Variants in DHDDS observed in about 807,000 individuals in gnomAD.
The protein encoded by DHDDS is dehydrodolichyl diphosphate synthase complex subunit DHDDS.
A neutral mutation model predicts 46.2 loss-of-function variants in DHDDS; 16 were observed. The observed-to-expected ratio is 0.35, with a 90% confidence interval of 0.23 to 0.53. The LOEUF (loss-of-function observed/expected upper bound fraction) is 0.53. Ranked by LOEUF, DHDDS falls within the 20% of genes least tolerant of loss-of-function variation. DHDDS has a pLI of 0.94. For missense variants in DHDDS, 340 were observed against 423.7 expected, an observed-to-expected ratio of 0.80 and a Z score of 1.73; for synonymous variants, 151 against 163.1, an observed-to-expected ratio of 0.93 and a Z score of 0.56.
chr1:26,432,924 A>G lies in DHDDS; in HGVS notation c.-22A>G. On this transcript the variant is annotated 5_prime_UTR_variant, in exon 2 of 9. An upstream open reading frame in the 5' UTR loses its in-frame stop. Transcript: ENST00000236342. The stretch of plus-strand genomic sequence containing the variant: ...GCTGGTGTTTGCTTGTTCTGGAGTG[A>G]TCTTCTGACTGGAAAAGAACTATGT... 5.6e-6 allele frequency: 9 copies of G among 1,613,886 alleles called. No homozygotes were observed. Among genetic ancestry groups the G allele is most frequent in the Non-Finnish European group, 7.6e-6 (9 of 1,179,820 alleles).
chr1:26,457,226 A>T (rs1468074951), intron 6 of DHDDS, among the ~76,000 whole-genome samples: 1 of 139,430 alleles, frequency 7.2e-6, no homozygotes, highest in East Asian at 2.1e-4. Flanking sequence ...TCAGAGGCCG[A>T]GGGGGGGGCG....
At chr1:26,433,802 C>T (rs1408435781) in intron 2 of DHDDS, among the ~76,000 whole-genome samples, 1 of 152,066 alleles carries the variant, frequency 6.6e-6, no homozygotes, top group African/African-American at 2.4e-5. Flanking sequence ...ATGGCGCAAT[C>T]TTGGCTTACT....
chr1:26,437,620 C>A (rs2075173315), intron 2 of DHDDS, among the ~76,000 whole-genome samples: 1 of 151,914 alleles, frequency 6.6e-6, no homozygotes, highest in Non-Finnish European at 1.5e-5. Flanking sequence ...GGACTACAGG[C>A]ATGTGCCATC....
At chr1:26,457,927 T>C (rs201396389) in intron 7 of DHDDS, 22 bp downstream of exon 7, 6 of 1,595,436 alleles carry the variant, frequency 3.8e-6, no homozygotes, top group Non-Finnish European at 5.2e-6. Flanking sequence ...CCAAGTACTA[T>C]TATGTTTGTG....
chr1:26,442,578 C>T (rs1436536799), intron 3 of DHDDS, 153 bp from the exon 4 acceptor site: 2 of 879,338 alleles, frequency 2.3e-6, no homozygotes, highest in Admixed American at 1.9e-5. Context: ...TTAATTCTGA[C>T]ATAAACACTG....
chr1:26,447,087 A>G (rs1487719535), intron 5 of DHDDS, among the ~76,000 whole-genome samples: 1 of 152,210 alleles, frequency 6.6e-6, no homozygotes, highest in Non-Finnish European at 1.5e-5. Context: ...CTGTCATCCT[A>G]GGCAGGTGGA....
intron 3 of DHDDS, 128 bp from the exon 4 acceptor site, chr1:26,442,603 T>A: frequency 1.8e-6 from 2 of 1,094,636 alleles, no homozygotes; most frequent in Non-Finnish European, 2.8e-6. Flanking sequence ...TATCCTAGCT[T>A]CACCCAGCTT....
At chr1:26,460,655 G>A (rs1246569390) in intron 8 of DHDDS, among the ~76,000 whole-genome samples, 11 of 152,192 alleles carry the variant, frequency 7.2e-5, no homozygotes, top group Non-Finnish European at 1.5e-5. Flanking sequence ...TCTTGAAACA[G>A]GTTTTATTAG....
chr1:26,447,742 A>G, intron 6 of DHDDS, 82 bp downstream of exon 6: 1 of 1,298,116 alleles, frequency 7.7e-7, no homozygotes. Context: ...TAATCCTAGC[A>G]CATTAGGAGG....
intron 7 of DHDDS, among the ~76,000 whole-genome samples, chr1:26,458,458 C>T (rs898731322): frequency 1.3e-4 from 20 of 152,202 alleles, no homozygotes; most frequent in Non-Finnish European, 2.9e-4. Flanking sequence ...TGAGCTAACG[C>T]AGGGCGTGGT....
chr1:26,446,846 C>T (rs1312758908), intron 5 of DHDDS, among the ~76,000 whole-genome samples: 1 of 152,170 alleles, frequency 6.6e-6, no homozygotes, highest in Non-Finnish European at 1.5e-5. Flanking sequence ...GGAGGTCATA[C>T]AGATGTACAG....
intron 6 of DHDDS, chr1:26,448,596 T>G (rs1429030151): frequency 2.0e-5 from 3 of 152,236 alleles, no homozygotes; most frequent in Non-Finnish European, 4.4e-5. Flanking sequence ...ATTATTTATG[T>G]AACTTTTAAT....
chr1:26,432,973 T>C lies in DHDDS; in HGVS notation c.28T>C (p.Ser10Pro). The C allele has an allele frequency of 6.2e-7, 1 of 1,614,222 alleles. No individual in the cohort carries two copies. Among genetic ancestry groups the C allele is most frequent in the Non-Finnish European group, 8.5e-7 (1 of 1,180,038 alleles). The change falls in exon 2 of 9, where the codon TCA becomes CCA. Residue 10 changes from serine to proline, a missense_variant. Physicochemically the swap from Ser to Pro is moderately conservative, Grantham distance 74. Coordinates refer to ENST00000236342, the MANE Select transcript of DHDDS (RefSeq NM_205861.3). ...GTCATGGATCAAGGAAGGAGAGCTG[T>C]CACTTTGGGAGCGGTTCTGTGCCAA... MSWIKEGEL[S>P]LWERFCANII... is the part of the protein sequence containing the mutation.
chr1:26,454,808 C>T (rs141838782), intron 6 of DHDDS: 40 of 1,579,022 alleles, frequency 2.5e-5, no homozygotes, highest in East Asian at 6.7e-5. Flanking sequence ...GTAGGTCCAG[C>T]GGCACATCTT....
intron 6 of DHDDS, among the ~76,000 whole-genome samples, chr1:26,454,205 G>A (rs910263561): frequency 2.6e-5 from 4 of 152,046 alleles, no homozygotes; most frequent in Admixed American, 6.6e-5. Flanking sequence ...TGCCCGCCTC[G>A]GCCTCCCAAA....
chr1:26,436,908 C>T (rs563291129), intron 2 of DHDDS, among the ~76,000 whole-genome samples: 14 of 152,150 alleles, frequency 9.2e-5, no homozygotes, highest in East Asian at 5.9e-4. Context: ...TGCTGGCTCA[C>T]GCCTGTAATC....
intron 2 of DHDDS, among the ~76,000 whole-genome samples, chr1:26,435,301 C>T (rs777447065): frequency 2.0e-5 from 3 of 151,868 alleles, no homozygotes; most frequent in Non-Finnish European, 1.5e-5. Flanking sequence ...TGAGCCACTG[C>T]GCCCGGCTGA....
At chr1:26,468,228 AG>A (rs2075512646) in intron 8 of DHDDS, among the ~76,000 whole-genome samples, 1 of 74,954 alleles carries the variant, frequency 1.3e-5, no homozygotes, top group East Asian at 2.4e-3. Context: ...GAATGTTCAT[AG>A]GGGGGTCATT....
At chr1:26,460,849 C>G (rs149575234) in intron 8 of DHDDS, among the ~76,000 whole-genome samples, 81 of 152,210 alleles carry the variant, frequency 5.3e-4, no homozygotes, top group Admixed American at 1.0e-3. Flanking sequence ...AAGTAACTGT[C>G]CCAAGGAACC....
Sources: gnomAD v4.1 joint callset for allele counts (sites outside exome capture counted in the v4.1 genomes callset) on GRCh38, gnomAD v4.1.1 for gene constraint, MANE v1.5 for transcripts, NCBI Gene and HGNC (gene_info 2026-07-23, HGNC 2026-07-21) for gene names.